The following PLCH1 variants were observed in gnomAD, a reference collection of about 807,000 sequenced individuals.
PLCH1 encodes the protein phospholipase C eta 1.
A neutral mutation model predicts 126.7 loss-of-function variants in PLCH1; 60 were observed. That is an observed-to-expected ratio of 0.47 (90% CI 0.38 to 0.59). The LOEUF is 0.59. Ranked by LOEUF, PLCH1 falls within the 20% of genes least tolerant of loss-of-function variation. The probability of loss-of-function intolerance (pLI) is 0.00; values close to 1 mark genes in which losing one functional copy is unlikely to be tolerated. For missense variants in PLCH1, 1,723 were observed against 2,040.0 expected, an observed-to-expected ratio of 0.84 and a Z score of 2.99; for synonymous variants, 719 against 734.9, an observed-to-expected ratio of 0.98 and a Z score of 0.35.
intron 2 of PLCH1, among the ~76,000 whole-genome samples, chr3:155,666,934 G>A (rs922439519): frequency 1.3e-5 from 2 of 151,014 alleles, no homozygotes; most frequent in African/African-American, 2.4e-5. Flanking sequence ...GTGTGTGCAT[G>A]TGTGTGTAAG....
chr3:155,545,865 G>T lies in PLCH1; in HGVS notation c.1362+3922C>A, dbSNP rs775976333. On this transcript the variant is annotated intron_variant, in intron 10 of 22. Transcript: ENST00000460012. ...CTTCATGCTAAAAACTCTCAATAAA[G>T]TAGGTATTGATGGGACATATCTCAA... Among the ~76,000 whole-genome samples the T allele has an allele frequency of 4.6e-5, 7 of 152,156 alleles. No individual in the cohort carries two copies. The South Asian group carries it at 6.2e-4, about 14-fold the overall frequency.
chr3:155,501,795 C>CTAAA (rs1717944281), intron 13 of PLCH1, among the ~76,000 whole-genome samples: 1 of 152,118 alleles, frequency 6.6e-6, no homozygotes, highest in Middle Eastern at 3.4e-3. Flanking sequence ...AACTCCATCT[C>CTAAA]TAAATAAATA....
intron 10 of PLCH1, among the ~76,000 whole-genome samples, chr3:155,527,115 G>T (rs1005135405): frequency 1.3e-5 from 2 of 152,122 alleles, no homozygotes; most frequent in Non-Finnish European, 2.9e-5. Flanking sequence ...TCACTTGATT[G>T]GTGGCTTCTA....
chr3:155,648,770 A>G (rs1740338391), intron 2 of PLCH1, among the ~76,000 whole-genome samples: 1 of 152,212 alleles, frequency 6.6e-6, no homozygotes, highest in African/African-American at 2.4e-5. Flanking sequence ...AAAGCAAATG[A>G]CAGAGGACCT....
chr3:155,612,715 A>G (rs925985682), intron 2 of PLCH1, among the ~76,000 whole-genome samples: 1 of 151,986 alleles, frequency 6.6e-6, no homozygotes, highest in African/African-American at 2.4e-5. Flanking sequence ...GTTCGAGATC[A>G]GTGACTAACA....
intron 12 of PLCH1, among the ~76,000 whole-genome samples, chr3:155,511,088 C>T (rs1279437320): frequency 1.5e-5 from 1 of 68,752 alleles, no homozygotes; most frequent in Non-Finnish European, 2.6e-5. Flanking sequence ...CTTCCCTTCT[C>T]GCTTCATTTC....
Position 155,481,468 on chromosome 3 carries a change from C to A in PLCH1, c.4558G>T (p.Gly1520Cys). 1 of 1,614,166 alleles carries A rather than the reference C, an allele frequency of 6.2e-7. No homozygotes were observed. The highest frequency in any genetic ancestry group is 2.2e-5 in the East Asian group (1 of 44,878). The change falls in exon 23 of 23, where the codon GGC (glycine) becomes TGC (cysteine). Residue 1520 changes from glycine (G) to cysteine (C), a missense_variant. Physicochemically the swap from Gly to Cys is radical, Grantham distance 159. Around this residue, in one of 2 missense-constraint regions of PLCH1, gnomAD observed 947 missense variants for 977.1 expected, o/e 0.97. Transcript: ENST00000460012. This position sits in a 1 kb window ranked among gnomAD's most constrained non-coding sequence, Gnocchi z 4.2. Reference protein sequence around the residue: ...FVTTGIRDKKGVTVKTKSLEP... With the variant: ...FVTTGIRDKKCVTVKTKSLEP... Reference sequence around the variant, plus strand: ...AACGACTTTGTCTTCACAGTCACGCCCTTCTTGTCTCTAATGCCAGTTGTA... The same window carrying A: ...AACGACTTTGTCTTCACAGTCACGCACTTCTTGTCTCTAATGCCAGTTGTA...
At position 155,464,649 on chromosome 3, in the gene PLCH1, T is replaced by C. The variant is rs537324256; in HGVS notation, c.2938+20707A>G. On this transcript the variant is annotated intron_variant, in intron 21 of 21. Coordinates refer to the PLCH1 transcript ENST00000494598. ...CTTGTGTGAGTGCCTTGTGACCGAA[T>C]GAGTCCCTTTTCCATCCCTCCTGAT... Among the ~76,000 whole-genome samples, 4 of 152,314 alleles carry C rather than the reference T, an allele frequency of 2.6e-5. No individual in the cohort carries two copies. In the East Asian group the frequency reaches 7.7e-4, roughly 29 times the overall value.
chr3:155,459,295 A>G (rs992335294), intron 21 of PLCH1, among the ~76,000 whole-genome samples: 2 of 152,240 alleles, frequency 1.3e-5, no homozygotes, highest in Admixed American at 6.5e-5. Context: ...TGGTGGGACC[A>G]GATCATAAAT....
chr3:155,632,935 T>C (rs900456086), intron 2 of PLCH1, among the ~76,000 whole-genome samples: 1 of 151,374 alleles, frequency 6.6e-6, no homozygotes, highest in Non-Finnish European at 1.5e-5. Flanking sequence ...ATCAAAATTC[T>C]TTTCTGAAAA....
At position 155,498,394 on chromosome 3, in the gene PLCH1, T is replaced by C. The variant is rs141538864; in HGVS notation, c.1797-977A>G. 7.2e-5 allele frequency among the ~76,000 whole-genome samples: 11 copies of C among 152,328 alleles called. No individual in the cohort carries two copies. The East Asian group carries it at 1.9e-3, about 27-fold the overall frequency. Reference sequence around the variant, plus strand: ...GTTTCAGGCATCCACTGCAGTCATTTCTCATGATGACGTGGGGACTATTGT... The same window carrying C: ...GTTTCAGGCATCCACTGCAGTCATTCCTCATGATGACGTGGGGACTATTGT... On this transcript the variant is annotated intron_variant, in intron 14 of 22. Transcript: ENST00000460012.
At chr3:155,626,880 C>A (rs1057340133) in intron 2 of PLCH1, among the ~76,000 whole-genome samples, 1 of 144,216 alleles carries the variant, frequency 6.9e-6, no homozygotes. Flanking sequence ...AACATATCTA[C>A]AAGAATATCT....
chr3:155,675,844 C>T (rs1744031192), intron 2 of PLCH1, among the ~76,000 whole-genome samples: 1 of 152,116 alleles, frequency 6.6e-6, no homozygotes, highest in African/African-American at 2.4e-5. Context: ...AACAAAAATA[C>T]TTTGTTACCT....
At chr3:155,465,267 G>A (rs957356491) in intron 21 of PLCH1, among the ~76,000 whole-genome samples, 2 of 152,116 alleles carry the variant, frequency 1.3e-5, no homozygotes, top group African/African-American at 4.8e-5. Context: ...AGAGTGGGGA[G>A]GACTGTCTTA....
chr3:155,506,128 C>G (rs983193879), intron 12 of PLCH1, among the ~76,000 whole-genome samples: 1 of 152,172 alleles, frequency 6.6e-6, no homozygotes, highest in East Asian at 1.9e-4. Context: ...ATGCTAATTG[C>G]ATTACATATA....
At chr3:155,544,188 G>A (rs1382835072) in intron 10 of PLCH1, among the ~76,000 whole-genome samples, 1 of 152,152 alleles carries the variant, frequency 6.6e-6, no homozygotes, top group Admixed American at 6.5e-5. Flanking sequence ...AAGGTTGGAG[G>A]AAGATCTACC....
At chr3:155,613,926 A>T (rs1349959828) in intron 2 of PLCH1, among the ~76,000 whole-genome samples, 1 of 152,220 alleles carries the variant, frequency 6.6e-6, no homozygotes, top group African/African-American at 2.4e-5. Flanking sequence ...ATGCTCCCAG[A>T]TCTGATAAGT....
intron 2 of PLCH1, among the ~76,000 whole-genome samples, chr3:155,639,257 G>A (rs1289381275): frequency 2.6e-5 from 4 of 151,818 alleles, no homozygotes; most frequent in Admixed American, 6.6e-5. Context: ...CCAGGAGTTC[G>A]AGACCAGCCT....
chr3:155,604,233 A>T (rs1329360101), intron 2 of PLCH1, among the ~76,000 whole-genome samples: 1 of 152,202 alleles, frequency 6.6e-6, no homozygotes, highest in African/African-American at 2.4e-5. Context: ...GGCTTCACTT[A>T]AAAAGCTATT....
Sources: gnomAD v4.1 joint callset for allele counts (sites outside exome capture counted in the v4.1 genomes callset) on GRCh38, gnomAD v4.1.1 for gene constraint, gnomAD v4.1.1 regional missense constraint, Gnocchi (gnomAD v3.1) non-coding constraint, MANE v1.5 for transcripts, NCBI Gene and HGNC (gene_info 2026-07-23, HGNC 2026-07-21) for gene names.